The following KCNMA1 variants were observed in gnomAD, a reference collection of about 807,000 sequenced individuals.
The protein encoded by KCNMA1 is potassium calcium-activated channel subfamily M alpha 1.
Under a neutral mutation model 140.0 loss-of-function variants are expected in KCNMA1, and 29 were observed. The ratio of observed to expected loss-of-function variants is 0.21; its 90% CI spans 0.15 to 0.28. The LOEUF (loss-of-function observed/expected upper bound fraction) is 0.28, where lower values mean the gene tolerates loss of function less well. Among genes scored for constraint, KCNMA1 ranks in the 10% least tolerant of loss-of-function variants. KCNMA1 has a pLI of 1.00. For missense variants in KCNMA1, 880 were observed against 1,602.2 expected (o/e 0.55, Z 7.70); for synonymous variants, 612 against 611.9 (o/e 1.00, Z 0.00).
intron 14 of KCNMA1, among the ~76,000 whole-genome samples, chr10:77,047,812 T>C (rs1265523809): frequency 6.6e-6 from 1 of 152,176 alleles, no homozygotes; most frequent in East Asian, 1.9e-4. Context: ...AAAATAATTC[T>C]TATTTGGGTA....
chr10:76,996,199 G>A (rs971402580), intron 19 of KCNMA1, among the ~76,000 whole-genome samples: 3 of 152,146 alleles, frequency 2.0e-5, no homozygotes, highest in Non-Finnish European at 4.4e-5. Flanking sequence ...CGATGTAAAG[G>A]ATCCTTCTCA....
chr10:76,891,476 A>C (rs2040045828), intron 26 of KCNMA1, 49 bp downstream of exon 26: 1 of 1,483,074 alleles, frequency 6.7e-7, no homozygotes, highest in African/African-American at 1.4e-5. Flanking sequence ...TTCAGGATCA[A>C]GCTTTTCCCA....
chr10:77,558,483 G>A (rs35785801), intron 1 of KCNMA1, among the ~76,000 whole-genome samples: 1 of 152,184 alleles, frequency 6.6e-6, no homozygotes, highest in African/African-American at 2.4e-5. Context: ...CTTGAATCCA[G>A]CACTGGGATG....
intron 1 of KCNMA1, among the ~76,000 whole-genome samples, chr10:77,494,447 G>A (rs145973595): frequency 2.6e-4 from 40 of 152,328 alleles, no homozygotes; most frequent in African/African-American, 9.4e-4. Context: ...TTCTGCAGGG[G>A]CTGGACAAAC....
chr10:77,358,211 G>A (rs756020848), intron 2 of KCNMA1, among the ~76,000 whole-genome samples: 19 of 151,980 alleles, frequency 1.3e-4, no homozygotes, highest in East Asian at 1.9e-4. Context: ...CTCTCTCTCC[G>A]GCTGTTCTCC....
At chr10:77,561,267 G>C (rs970407012) in intron 1 of KCNMA1, among the ~76,000 whole-genome samples, 1 of 152,120 alleles carries the variant, frequency 6.6e-6, no homozygotes, top group Admixed American at 6.6e-5. Context: ...ATAAAATAAA[G>C]TTCAGTGATA....
At position 76,971,212 on chromosome 10, in the gene KCNMA1, T is replaced by C. The variant is rs564134592; in HGVS notation, c.2267-1145A>G. On this transcript the variant is annotated intron_variant, in intron 19 of 27. Coordinates refer to ENST00000286628, the MANE Select transcript of KCNMA1 (RefSeq NM_001161352.2). ...GAGGAAAGCACCCTGAAACTCAGAA[T>C]GCACAGCAGTTACCTTAAAGCTAAG... is the stretch of plus-strand genomic sequence containing the variant. Among the ~76,000 whole-genome samples, 48 of 152,262 alleles carry C rather than the reference T, an allele frequency of 3.2e-4. 1 individual carries two copies. The highest frequency in any genetic ancestry group is 5.9e-4 in the Admixed American group (9 of 15,304).
At chr10:76,968,163 A>G (rs2074689830) in intron 20 of KCNMA1, among the ~76,000 whole-genome samples, 2 of 152,136 alleles carry the variant, frequency 1.3e-5, no homozygotes, top group South Asian at 2.1e-4. Context: ...TATTTAATAT[A>G]TATGGTATAA....
chr10:77,143,110 T>C (rs1405967922), intron 5 of KCNMA1, among the ~76,000 whole-genome samples: 1 of 151,922 alleles, frequency 6.6e-6, no homozygotes, highest in African/African-American at 2.4e-5. Context: ...AATAAGAGTA[T>C]TATGAAAAGA....
rs183162929 is a variant in KCNMA1, at chr10:77,434,380, C to A, written c.379-30357G>T. Among the ~76,000 whole-genome samples the A allele has an allele frequency of 1.9e-3, 295 of 152,266 alleles. 3 individuals carry two copies. Among genetic ancestry groups the A allele is most frequent in the Non-Finnish European group, 1.1e-3 (76 of 68,020 alleles). ...GGACAGTGTGGGCTGGAGCTGCTGG[C>A]GGTCAGAACAGGGAAGATCGTGTTC... On this transcript the variant is annotated intron_variant, in intron 1 of 27. Coordinates refer to ENST00000286628, the MANE Select transcript of KCNMA1 (RefSeq NM_001161352.2).
intron 14 of KCNMA1, among the ~76,000 whole-genome samples, chr10:77,053,604 A>G (rs2095445232): frequency 6.6e-6 from 1 of 152,230 alleles, no homozygotes; most frequent in South Asian, 2.1e-4. Context: ...TCAGTCATTT[A>G]CAAAAGTGTT....
chr10:77,322,787 C>T (rs1355336878), intron 2 of KCNMA1, among the ~76,000 whole-genome samples: 1 of 152,118 alleles, frequency 6.6e-6, no homozygotes, highest in Non-Finnish European at 1.5e-5. Flanking sequence ...AAAAAAAATA[C>T]CCATGCTGGA....
At chr10:76,914,826 C>G (rs912682943) in intron 24 of KCNMA1, 110 bp downstream of exon 24, 3 of 827,030 alleles carry the variant, frequency 3.6e-6, no homozygotes, top group Admixed American at 1.7e-5. Context: ...AAACAAACCC[C>G]ATAGCAGCTA....
chr10:76,889,489 T>C lies in KCNMA1; in HGVS notation c.3423A>G (p.Arg1141=). The C allele has an allele frequency of 6.2e-7, 1 of 1,613,938 alleles. No homozygotes were observed. The highest frequency in any genetic ancestry group is 8.5e-7 in the Non-Finnish European group (1 of 1,179,866). The change falls in exon 27 of 28, where the codon AGA becomes AGG. Residue 1141 remains arginine, a synonymous_variant. Coordinates refer to ENST00000286628, the MANE Select transcript of KCNMA1 (RefSeq NM_001161352.2). ...NMLCFGIYRL[R]DAHLSTPSQC... Reference sequence around the variant, plus strand: ...GACTGGGGGTGCTGAGGTGAGCATCTCTCAGCCGGTAAATTCCAAAACAAA... The same window carrying C: ...GACTGGGGGTGCTGAGGTGAGCATCCCTCAGCCGGTAAATTCCAAAACAAA...
chr10:77,072,242 G>A (rs61866972), intron 14 of KCNMA1, among the ~76,000 whole-genome samples: 8,989 of 152,268 alleles, frequency 0.059, 377 homozygotes, highest in Non-Finnish European at 0.09. Context: ...AAAGGCTCAA[G>A]CTAGACCCGT....
chr10:77,418,703 A>C (rs577457038), intron 1 of KCNMA1, among the ~76,000 whole-genome samples: 39 of 152,324 alleles, frequency 2.6e-4, no homozygotes, highest in African/African-American at 7.9e-4. Flanking sequence ...ACACACTTGC[A>C]TCCACGGGGG....
intron 2 of KCNMA1, among the ~76,000 whole-genome samples, chr10:77,303,872 A>G (rs1712605268): frequency 6.6e-6 from 1 of 152,252 alleles, no homozygotes. Flanking sequence ...GACTCATTGC[A>G]AGACGCTCAT....
At chr10:77,386,823 C>T (rs1248734493) in intron 2 of KCNMA1, among the ~76,000 whole-genome samples, 1 of 152,096 alleles carries the variant, frequency 6.6e-6, no homozygotes, top group Non-Finnish European at 1.5e-5. Context: ...TGGTCAGAGG[C>T]AAAATGTATT....
At chr10:77,166,198 A>G (rs2098640197) in intron 5 of KCNMA1, among the ~76,000 whole-genome samples, 1 of 152,190 alleles carries the variant, frequency 6.6e-6, no homozygotes, top group Admixed American at 6.5e-5. Flanking sequence ...AAGAAAATTG[A>G]AATAAGAAGT....
Sources: allele counts gnomAD v4.1 joint callset (sites outside exome capture counted in the v4.1 genomes callset), GRCh38; gene constraint gnomAD v4.1.1; transcripts MANE v1.5; gene names NCBI Gene and HGNC (gene_info 2026-07-23, HGNC 2026-07-21).